Variants in ATP9B observed in about 807,000 individuals in gnomAD.
ATP9B encodes probable phospholipid-transporting ATPase IIB.
A neutral mutation model predicts 146.1 loss-of-function variants in ATP9B; 110 were observed. The observed-to-expected ratio is 0.75, with a 90% confidence interval of 0.65 to 0.88. The LOEUF (loss-of-function observed/expected upper bound fraction) is 0.88. ATP9B is among the 40% of genes least tolerant of loss of function. The pLI, the probability that ATP9B is intolerant of heterozygous loss-of-function variation, is 0.00. For synonymous variants in ATP9B, 604 were observed against 569.7 expected (o/e 1.06, Z -0.86); for missense variants, 1,499 against 1,496.4 (o/e 1.00, Z -0.03).
chr18:79,232,728 GA>G (rs1194444167), intron 11 of ATP9B, among the ~76,000 whole-genome samples: 9 of 152,228 alleles, frequency 5.9e-5, no homozygotes, highest in African/African-American at 2.2e-4. Context: ...GGCTGGAATA[GA>G]AGAAGTAGAC....
rs1600318772 is a variant in ATP9B at position 79,355,645 on chromosome 18, G to A, written c.2904-3709G>A. ...CTACCGTTTGTGCCGTGGGAGCCCC[G>A]GCCGCTGTACCGTTTGTGCCGTGGG... On this transcript the variant is annotated intron_variant, in intron 25 of 29. Transcript: ENST00000426216. Among the ~76,000 whole-genome samples the A allele has an allele frequency of 2.0e-5, 3 of 149,556 alleles. 1 individual carries two copies. Among genetic ancestry groups the A allele is most frequent in the Middle Eastern group, 3.6e-3 (1 of 278 alleles).
intron 8 of ATP9B, among the ~76,000 whole-genome samples, chr18:79,181,848 C>A (rs1373686979): frequency 6.6e-6 from 1 of 152,006 alleles, no homozygotes; most frequent in Non-Finnish European, 1.5e-5. Flanking sequence ...ATGCTTAATT[C>A]CATGTATGTT....
At chr18:79,304,987 G>A (rs941837395) in intron 14 of ATP9B, among the ~76,000 whole-genome samples, 4 of 152,070 alleles carry the variant, frequency 2.6e-5, no homozygotes, top group African/African-American at 9.7e-5. Flanking sequence ...CCTGGGGGGT[G>A]TGACAGTTCC....
At chr18:79,077,808 C>T (rs1474238789) in intron 1 of ATP9B, among the ~76,000 whole-genome samples, 1 of 152,188 alleles carries the variant, frequency 6.6e-6, no homozygotes, top group Admixed American at 6.5e-5. Context: ...CTTTGAAATG[C>T]CCAATCTGTA....
chr18:79,238,865 C>T (rs1367431533), intron 11 of ATP9B, among the ~76,000 whole-genome samples: 2 of 151,462 alleles, frequency 1.3e-5, no homozygotes, highest in Non-Finnish European at 3.0e-5. Context: ...CGCAGTGAAG[C>T]GGATGCAGTG....
intron 1 of ATP9B, among the ~76,000 whole-genome samples, chr18:79,080,299 G>T (rs551818188): frequency 2.6e-5 from 4 of 152,252 alleles, no homozygotes; most frequent in Admixed American, 2.6e-4. Context: ...CCATTTGTTT[G>T]TGTCCTCTCT....
chr18:79,320,487 C>T (rs1246519791), intron 15 of ATP9B, among the ~76,000 whole-genome samples: 2 of 152,200 alleles, frequency 1.3e-5, no homozygotes, highest in African/African-American at 4.8e-5. Context: ...GGCCCAGGGC[C>T]AGGCCAGGGG....
intron 7 of ATP9B, among the ~76,000 whole-genome samples, chr18:79,175,574 G>T (rs2095152121): frequency 6.6e-6 from 1 of 152,110 alleles, no homozygotes. Context: ...CCTCACATCT[G>T]TCACACAGAT....
intron 1 of ATP9B, chr18:79,085,720 T>C (rs1393933870): frequency 1.3e-5 from 2 of 152,230 alleles, no homozygotes; most frequent in East Asian, 3.9e-4. Context: ...CCATTATTAG[T>C]TTTTCTTTGC....
intron 5 of ATP9B, among the ~76,000 whole-genome samples, chr18:79,133,404 A>G (rs972179400): frequency 3.3e-5 from 5 of 152,168 alleles, no homozygotes; most frequent in Non-Finnish European, 1.5e-5. Context: ...TCTGCTATGT[A>G]ATGATATTTC....
chr18:79,207,355 G>C (rs1356552704), intron 10 of ATP9B, among the ~76,000 whole-genome samples: 1 of 152,252 alleles, frequency 6.6e-6, no homozygotes, highest in Admixed American at 6.5e-5. Context: ...TGGGAAGCCA[G>C]TGGTGATTTT....
At position 79,132,474 on chromosome 18, in the gene ATP9B, T is replaced by C. The variant is rs568452556; in HGVS notation, c.667+6099T>C. Among the ~76,000 whole-genome samples, 3 of 152,252 alleles carry C rather than the reference T, an allele frequency of 2.0e-5. No homozygotes were observed. In the South Asian group the frequency reaches 6.2e-4, roughly 32 times the overall value. On this transcript the variant is annotated intron_variant, in intron 5 of 29. Transcript: ENST00000426216. ...ATAGTTTGCCCTGAGCCACAGTAGTTTTAGGTAGAGCTGGTGCTTGAACCT... is the reference window on the plus strand; with the variant it reads ...ATAGTTTGCCCTGAGCCACAGTAGTCTTAGGTAGAGCTGGTGCTTGAACCT...
intron 15 of ATP9B, among the ~76,000 whole-genome samples, chr18:79,313,377 A>G (rs900690665): frequency 2.0e-5 from 3 of 152,208 alleles, no homozygotes; most frequent in African/African-American, 7.2e-5. Context: ...GCTCTGTAAG[A>G]GGAAGCAAGC....
chr18:79,231,801 T>TACACAC (rs1387954793), intron 11 of ATP9B, among the ~76,000 whole-genome samples: 3 of 98,036 alleles, frequency 3.1e-5, no homozygotes, highest in African/African-American at 1.1e-4. Flanking sequence ...TATATATATA[T>TACACAC]ATACACACAC....
chr18:79,347,136 C>T (rs1426710425), intron 23 of ATP9B, among the ~76,000 whole-genome samples: 1 of 152,210 alleles, frequency 6.6e-6, no homozygotes, highest in East Asian at 1.9e-4. Flanking sequence ...TCCTGGCCAA[C>T]TGAGCTGTGG....
chr18:79,302,530 C>T (rs996444557), intron 13 of ATP9B, among the ~76,000 whole-genome samples: 1 of 152,220 alleles, frequency 6.6e-6, no homozygotes, highest in African/African-American at 2.4e-5. Flanking sequence ...TTGAGCTTCC[C>T]TGTGCTACTT....
At chr18:79,294,761 A>G (rs2096535579) in intron 13 of ATP9B, among the ~76,000 whole-genome samples, 1 of 152,150 alleles carries the variant, frequency 6.6e-6, no homozygotes, top group Non-Finnish European at 1.5e-5. Flanking sequence ...CACAAATGAT[A>G]CTGACATGCC....
In ATP9B at chr18:79,347,765, C is replaced by A; in HGVS notation, c.2683-5C>A. 1 of 1,543,892 alleles carries A rather than the reference C, an allele frequency of 6.5e-7. No individual in the cohort carries two copies. Among genetic ancestry groups the A allele is most frequent in the South Asian group, 1.2e-5 (1 of 80,410 alleles). Reference sequence around the variant, plus strand: ...TTGAAAAGGCCCCGTGTGCTTTTCTCTCAGGAGGGTAAACAGGCCTCGCTG... The same window carrying A: ...TTGAAAAGGCCCCGTGTGCTTTTCTATCAGGAGGGTAAACAGGCCTCGCTG... On this transcript the variant is annotated splice_region_variant and splice_polypyrimidine_tract_variant and intron_variant, in intron 23 of 29. Coordinates refer to ENST00000426216, the MANE Select transcript of ATP9B (RefSeq NM_198531.5).
chr18:79,159,827 C>T (rs2094851224), intron 7 of ATP9B, among the ~76,000 whole-genome samples: 1 of 152,154 alleles, frequency 6.6e-6, no homozygotes, highest in South Asian at 2.1e-4. Context: ...AATGGTGTTT[C>T]TCAGGATTCT....
Sources: gnomAD v4.1 joint callset for allele counts (sites outside exome capture counted in the v4.1 genomes callset) on GRCh38, gnomAD v4.1.1 for gene constraint, MANE v1.5 for transcripts, NCBI Gene and HGNC (gene_info 2026-07-23, HGNC 2026-07-21) for gene names.